The following GPHN variants were observed in gnomAD, a reference collection of about 807,000 sequenced individuals.
GPHN encodes the protein gephyrin.
Under a neutral mutation model 95.5 loss-of-function variants are expected in GPHN, and 17 were observed. The observed-to-expected ratio is 0.18, with a 90% CI of 0.12 to 0.27. The LOEUF is 0.27. Among genes scored for constraint, GPHN ranks in the 10% least tolerant of loss-of-function variants. The pLI is 1.00. For synonymous variants in GPHN, 320 were observed against 322.5 expected (o/e 0.99, Z 0.08); for missense variants, 660 against 978.1 (o/e 0.67, Z 4.34).
chr14:66,574,658 C>G (rs893272681), intron 1 of GPHN, among the ~76,000 whole-genome samples: 1 of 152,120 alleles, frequency 6.6e-6, no homozygotes, highest in Non-Finnish European at 1.5e-5. Flanking sequence ...TGGGGCATAT[C>G]CATGAGGATG....
At chr14:67,239,155 T>A in the GPHN span, among the ~76,000 whole-genome samples, 3 of 152,064 alleles carry the variant, frequency 2.0e-5, no homozygotes, top group African/African-American at 4.8e-5. Flanking sequence ...TTCATTTGGG[T>A]GGAGGCTTTT....
intron 2 of GPHN, among the ~76,000 whole-genome samples, chr14:66,689,465 T>C (rs978682605): frequency 6.6e-6 from 1 of 152,164 alleles, no homozygotes; most frequent in African/African-American, 2.4e-5. Flanking sequence ...TAGTATGTGG[T>C]TGGTAATTTT....
intron 2 of GPHN, chr14:66,760,791 T>C (rs1043600563): frequency 2.0e-6 from 1 of 501,898 alleles, no homozygotes; most frequent in Admixed American, 2.3e-5. Flanking sequence ...AGCTATGGAA[T>C]AAAAGTATTG....
intron 1 of GPHN, among the ~76,000 whole-genome samples, chr14:66,611,929 A>G (rs1019234998): frequency 6.6e-6 from 1 of 152,142 alleles, no homozygotes; most frequent in Non-Finnish European, 1.5e-5. Flanking sequence ...TATGTAGAAT[A>G]ATTCCCCATT....
chr14:66,596,302 C>T (rs1319204175), intron 1 of GPHN, among the ~76,000 whole-genome samples: 1 of 152,086 alleles, frequency 6.6e-6, no homozygotes, highest in Non-Finnish European at 1.5e-5. Flanking sequence ...ATGGCACTGG[C>T]AGTCCAGTCC....
chr14:66,793,127 A>G (rs1566950910), intron 3 of GPHN, among the ~76,000 whole-genome samples: 1 of 152,388 alleles, frequency 6.6e-6, no homozygotes, highest in South Asian at 2.1e-4. Context: ...ACAGTGCTGC[A>G]GAGATTTTGT....
At chr14:66,891,034 C>G (rs1376629460) in intron 5 of GPHN, among the ~76,000 whole-genome samples, 5 of 152,110 alleles carry the variant, frequency 3.3e-5, no homozygotes, top group African/African-American at 1.2e-4. Flanking sequence ...ATGGGGATGC[C>G]CACTTTTTCC....
At chr14:67,650,040 T>C in the GPHN span, 2 of 152,322 alleles carry the variant, frequency 1.3e-5, no homozygotes, top group East Asian at 3.9e-4. Context: ...TAACAGAAGG[T>C]AACTGAAGTC....
chr14:66,992,826 A>T (rs2071525254), intron 9 of GPHN, among the ~76,000 whole-genome samples: 1 of 152,168 alleles, frequency 6.6e-6, no homozygotes, highest in Non-Finnish European at 1.5e-5. Flanking sequence ...ATTATATGAG[A>T]TTCAAATTTC....
chr14:67,228,910 G>A, the GPHN span, among the ~76,000 whole-genome samples: 1 of 152,038 alleles, frequency 6.6e-6, no homozygotes, highest in East Asian at 1.9e-4. Flanking sequence ...AAAAATCCAT[G>A]TACTTTTAAA....
the GPHN span, among the ~76,000 whole-genome samples, chr14:67,373,538 T>C: frequency 3.7e-4 from 56 of 152,356 alleles, no homozygotes; most frequent in African/African-American, 1.3e-3. Context: ...ACAGACATGC[T>C]GTCCTCCAGT....
At chr14:67,373,137 A>T in the GPHN span, among the ~76,000 whole-genome samples, 1 of 152,218 alleles carries the variant, frequency 6.6e-6, no homozygotes, top group Non-Finnish European at 1.5e-5. Context: ...AGATAAAATT[A>T]ACATGTACTT....
chr14:67,536,803 G>C, the GPHN span, among the ~76,000 whole-genome samples: 110 of 151,988 alleles, frequency 7.2e-4, 2 homozygotes, highest in African/African-American at 2.5e-3. Context: ...AGCACTTTGG[G>C]AGGCCAAGGC....
chr14:67,578,339 C>A, the GPHN span: 1 of 805,052 alleles, frequency 1.2e-6, no homozygotes, highest in Non-Finnish European at 2.0e-6. The surrounding 1 kb of genome is among the most constrained non-coding windows in gnomAD (Gnocchi z 5.0). Flanking sequence ...TGCATCAGTA[C>A]GGCTGAGCTG....
chr14:67,008,727 G>C (rs1417565663), intron 9 of GPHN, among the ~76,000 whole-genome samples: 1 of 151,728 alleles, frequency 6.6e-6, no homozygotes, highest in Non-Finnish European at 1.5e-5. Flanking sequence ...TGTGTTTTTA[G>C]TAGAGACAGG....
At chr14:67,401,998 G>A in the GPHN span, among the ~76,000 whole-genome samples, 4 of 152,136 alleles carry the variant, frequency 2.6e-5, no homozygotes, top group Non-Finnish European at 4.4e-5. Context: ...GGGCATGGTG[G>A]CACATGCCTG....
At chr14:67,621,869 G>A in the GPHN span, among the ~76,000 whole-genome samples, 1 of 151,852 alleles carries the variant, frequency 6.6e-6, no homozygotes, top group South Asian at 2.1e-4. Flanking sequence ...GGCCAAGGTG[G>A]GTGGATCACC....
At chr14:66,922,621 CA>C (rs2066281673) in intron 6 of GPHN, 44 bp from the exon 7 acceptor site, 1 of 1,516,966 alleles carries the variant, frequency 6.6e-7, no homozygotes, top group Non-Finnish European at 9.0e-7. Context: ...TATATAATTA[CA>C]AAAGTGCTTC....
chr14:67,234,562 T>C, the GPHN span, among the ~76,000 whole-genome samples: 1 of 152,136 alleles, frequency 6.6e-6, no homozygotes, highest in Non-Finnish European at 1.5e-5. Flanking sequence ...TTTGCTTGTT[T>C]GTTTTGAAAT....
Sources: gnomAD v4.1 joint callset for allele counts (sites outside exome capture counted in the v4.1 genomes callset) on GRCh38, gnomAD v4.1.1 for gene constraint, Gnocchi (gnomAD v3.1) non-coding constraint, MANE v1.5 for transcripts, NCBI Gene and HGNC (gene_info 2026-07-23, HGNC 2026-07-21) for gene names.